COL12A1: variants seen among roughly 807,000 people sequenced by gnomAD.
COL12A1 encodes the protein collagen type XII alpha 1 chain.
Under a neutral mutation model 349.7 loss-of-function variants are expected in COL12A1, and 114 were observed. The ratio of observed to expected loss-of-function variants is 0.33; its 90% CI spans 0.28 to 0.38. The LOEUF (loss-of-function observed/expected upper bound fraction) is 0.38. COL12A1 is among the 10% of genes least tolerant of loss of function. The pLI, the probability that COL12A1 is intolerant of heterozygous loss-of-function variation, is 1.00. For missense variants in COL12A1, 3,284 were observed against 3,756.9 expected (o/e 0.87, Z 3.29); for synonymous variants, 1,369 against 1,329.0 (o/e 1.03, Z -0.66).
rs199684959 is a variant in COL12A1 at position 75,137,462 on chromosome 6, G to C, written c.5369C>G (p.Ser1790Cys). Reference protein sequence around the residue: ...VQKYRITYQPSTGEGNEQTTT... With the variant: ...VQKYRITYQPCTGEGNEQTTT... ...CGTTTGCTCATTGCCTTCCCCTGTG[G>C]AAGGCTGATAAGTGATCCTATATTT... The change falls in exon 31 of 66, where the codon TCC becomes TGC. Residue 1790 changes from serine (S) to cysteine (C), a missense_variant. Physicochemically the swap from Ser to Cys is moderately radical, Grantham distance 112. Around this residue, in one of 2 missense-constraint regions of COL12A1, gnomAD observed 2,601 missense variants for 2,824.8 expected, o/e 0.92. Coordinates refer to ENST00000322507, the MANE Select transcript of COL12A1 (RefSeq NM_004370.6). 5.2e-5 allele frequency: 83 copies of C among 1,610,568 alleles called. No individual in the cohort carries two copies. The highest frequency in any genetic ancestry group is 6.8e-5 in the Non-Finnish European group (80 of 1,178,770).
intron 54 of COL12A1, 146 bp downstream of exon 54, chr6:75,105,060 A>T (rs1352372256): frequency 5.3e-6 from 3 of 567,600 alleles, no homozygotes; most frequent in Non-Finnish European, 9.3e-6. Context: ...GTCCAAATAT[A>T]CTAAAAAGAT....
chr6:75,159,214 T>A (rs1767909994), intron 14 of COL12A1, among the ~76,000 whole-genome samples: 1 of 151,464 alleles, frequency 6.6e-6, no homozygotes, highest in Non-Finnish European at 1.5e-5. Flanking sequence ...TGGTTATGAA[T>A]TATGCTTCTG....
chr6:75,142,604 AT>A (rs1452105820), intron 26 of COL12A1, among the ~76,000 whole-genome samples: 5 of 152,212 alleles, frequency 3.3e-5, no homozygotes, highest in African/African-American at 1.2e-4. Flanking sequence ...CTTTTGTATA[AT>A]CCACAAATGA....
intron 55 of COL12A1, 78 bp from the exon 56 acceptor site, chr6:75,102,770 A>G: frequency 1.3e-6 from 1 of 784,162 alleles, no homozygotes; most frequent in Non-Finnish European, 1.9e-6. Context: ...GACACTTGTC[A>G]TCATAACTCT....
chr6:75,130,360 A>T (rs146639839), intron 36 of COL12A1, 127 bp from the exon 37 acceptor site: 1 of 932,976 alleles, frequency 1.1e-6, no homozygotes, highest in East Asian at 2.6e-5. Context: ...ATAATAAAAT[A>T]TACATTTATG....
intron 54 of COL12A1, among the ~76,000 whole-genome samples, chr6:75,104,108 G>T (rs1431200124): frequency 2.6e-5 from 4 of 152,182 alleles, no homozygotes; most frequent in Non-Finnish European, 4.4e-5. Flanking sequence ...AGAAAAATGA[G>T]CTTTGGATTT....
At chr6:75,159,019 G>A (rs1346502916) in intron 14 of COL12A1, among the ~76,000 whole-genome samples, 1 of 151,884 alleles carries the variant, frequency 6.6e-6, no homozygotes, top group East Asian at 1.9e-4. Flanking sequence ...GATCCTAGAA[G>A]TGTAGTGAAC....
At position 75,130,889 on chromosome 6, in the gene COL12A1, A is replaced by T; in HGVS notation, c.6030T>A (p.Asp2010Glu). Residue 2010 changes from aspartate to glutamate, a missense_variant, in exon 36 of 66, where the codon GAT becomes GAA. Physicochemically the swap from Asp to Glu is conservative, Grantham distance 45. Transcript: ENST00000322507. ...GGGCAGGGCTGGGATTTCCCTCTCCATCCGAGTACAGAGCCACAAGGTTCA... is the reference window on the plus strand; with the variant it reads ...GGGCAGGGCTGGGATTTCCCTCTCCTTCCGAGTACAGAGCCACAAGGTTCA... The part of the protein sequence containing the change: ...YSVNLVALYS[D>E]GEGNPSPAQG... 6.2e-7 allele frequency: 1 copy of T among 1,614,074 alleles called. No homozygotes were observed. Among genetic ancestry groups the T allele is most frequent in the Non-Finnish European group, 8.5e-7 (1 of 1,179,980 alleles).
intron 36 of COL12A1, among the ~76,000 whole-genome samples, chr6:75,130,585 A>G (rs1766252351): frequency 1.3e-5 from 2 of 152,134 alleles, no homozygotes; most frequent in Admixed American, 6.6e-5. Flanking sequence ...AGAAAGAGGG[A>G]AAAAAAGAAG....
At position 75,181,026 on chromosome 6, in the gene COL12A1, G is replaced by A. The variant is rs1769248028; in HGVS notation, c.2077C>T (p.Pro693Ser). 1 of 1,614,002 alleles carries A rather than the reference G, an allele frequency of 6.2e-7. No homozygotes were observed. The highest frequency in any genetic ancestry group is 1.7e-5 in the Admixed American group (1 of 60,000). The change falls in exon 11 of 66, where the codon CCA becomes TCA. Residue 693 changes from proline (P) to serine (S), a missense_variant. Physicochemically the swap from Pro to Ser is moderately conservative, Grantham distance 74. Coordinates refer to ENST00000322507, the MANE Select transcript of COL12A1 (RefSeq NM_004370.6). ...ACATTGACCAAATACAAGGTCTCTG[G>A]CTTCAGGCTGCTGAGAACAACACTG... ...STSVVLSSLK[P>S]ETLYLVNVTA...
chr6:75,136,161 A>C (rs1766595733), intron 31 of COL12A1, among the ~76,000 whole-genome samples: 1 of 152,182 alleles, frequency 6.6e-6, no homozygotes, highest in South Asian at 2.1e-4. Flanking sequence ...TGCTAAGAAC[A>C]AGCTTCTCCT....
intron 35 of COL12A1, 99 bp downstream of exon 35, chr6:75,131,841 G>C: frequency 7.8e-7 from 1 of 1,287,412 alleles, no homozygotes; most frequent in Non-Finnish European, 1.1e-6. Context: ...ATTATACACT[G>C]GCATGTTTGT....
At chr6:75,187,456 G>T (rs1769686945) in intron 8 of COL12A1, among the ~76,000 whole-genome samples, 1 of 152,070 alleles carries the variant, frequency 6.6e-6, no homozygotes, top group South Asian at 2.1e-4. Context: ...GAATTAAACT[G>T]TTTAAAAGAC....
chr6:75,145,613 T>C (rs1387229033), intron 24 of COL12A1, among the ~76,000 whole-genome samples, 158 bp from the exon 25 acceptor site: 1 of 144,754 alleles, frequency 6.9e-6, no homozygotes, highest in Admixed American at 6.8e-5. Context: ...GATGTTTTCT[T>C]TTTTTTTTTT....
At chr6:75,129,688 C>T (rs967273220) in intron 37 of COL12A1, among the ~76,000 whole-genome samples, 1 of 151,922 alleles carries the variant, frequency 6.6e-6, no homozygotes, top group Non-Finnish European at 1.5e-5. Flanking sequence ...TAAGGGAGAC[C>T]TTGTAGAGGA....
chr6:75,169,880 G>T (rs1012149862), intron 13 of COL12A1, among the ~76,000 whole-genome samples: 1 of 152,070 alleles, frequency 6.6e-6, no homozygotes, highest in East Asian at 1.9e-4. Flanking sequence ...TTGAAATCTG[G>T]CTACTCAGCA....
chr6:75,105,073 T>C (rs1278000411), intron 54 of COL12A1, 133 bp downstream of exon 54: 2 of 598,648 alleles, frequency 3.3e-6, no homozygotes, highest in Admixed American at 6.8e-5. Flanking sequence ...AAAAAGATGG[T>C]CTGCAATTTA....
intron 27 of COL12A1, 44 bp from the exon 28 acceptor site, chr6:75,139,005 C>T: frequency 6.2e-7 from 1 of 1,605,856 alleles, no homozygotes; most frequent in Non-Finnish European, 8.5e-7. Flanking sequence ...TGAATGTGAG[C>T]TGCAAATGCA....
At chr6:75,158,525 C>A (rs2149427802) in intron 14 of COL12A1, among the ~76,000 whole-genome samples, 1 of 152,196 alleles carries the variant, frequency 6.6e-6, no homozygotes, top group South Asian at 2.1e-4. Context: ...ACAGTCCAAA[C>A]TAAGACAACA....
Sources: gnomAD v4.1 joint callset for allele counts (sites outside exome capture counted in the v4.1 genomes callset) on GRCh38, gnomAD v4.1.1 for gene constraint, gnomAD v4.1.1 regional missense constraint, MANE v1.5 for transcripts, NCBI Gene and HGNC (gene_info 2026-07-23, HGNC 2026-07-21) for gene names.